The following TEX15 variants were observed in gnomAD, a reference collection of about 807,000 sequenced individuals.
TEX15 encodes testis-expressed protein 15.
Under a neutral mutation model 237.3 loss-of-function variants are expected in TEX15, and 171 were observed. The observed-to-expected ratio is 0.72, with a 90% CI of 0.64 to 0.82. The LOEUF (loss-of-function observed/expected upper bound fraction) is 0.82, where lower values mean the gene tolerates loss of function less well. Ranked by LOEUF, TEX15 falls within the 40% of genes least tolerant of loss-of-function variation. The pLI, the probability that TEX15 is intolerant of heterozygous loss-of-function variation, is 0.00. For missense variants in TEX15, 3,750 were observed against 3,646.5 expected (o/e 1.03, Z -0.73); for synonymous variants, 1,338 against 1,269.8 (o/e 1.05, Z -1.14).
In TEX15 at chr8:30,845,178, A is replaced by C. The variant is rs1807569846; in HGVS notation, c.4989T>G (p.Asn1663Lys). The change falls in exon 8 of 11, where the codon AAT becomes AAG. Residue 1663 changes from asparagine (N) to lysine (K), a missense_variant. By Grantham distance (94) the Asn-to-Lys change is moderately conservative. Coordinates refer to ENST00000643185, the MANE Select transcript of TEX15 (RefSeq NM_001350162.2). ...TAAGGTTACCTTGTTGGTAGAGATC[A>C]TTTAAAAAGTGCTTCACATTTGAAT... is the stretch of plus-strand genomic sequence containing the variant. The part of the protein sequence containing the change: ...VLDSNVKHFL[N>K]DLYQQGNLIL... 6.2e-7 allele frequency: 1 copy of C among 1,613,538 alleles called. No individual in the cohort carries two copies. The highest frequency in any genetic ancestry group is 2.2e-5 in the East Asian group (1 of 44,864).
At chr8:30,893,006 C>G (rs1372940134) in intron 2 of TEX15, among the ~76,000 whole-genome samples, 1 of 143,462 alleles carries the variant, frequency 7.0e-6, no homozygotes, top group East Asian at 2.0e-4. Flanking sequence ...GCACTCCAGC[C>G]TGGGCGACAG....
Position 30,848,251 on chromosome 8 carries a change from G to C in TEX15, c.1916C>G (p.Ser639Ter), listed in dbSNP as rs1209361673. ...DSSKHEEKQT[S>*]WKEIDNDFTN... Reference sequence around the variant, plus strand: ...GAAATCATTATCAATTTCTTTCCATGAAGTTTGCTTTTCTTCATGTTTGGA... The same window carrying C: ...GAAATCATTATCAATTTCTTTCCATCAAGTTTGCTTTTCTTCATGTTTGGA... The change falls in exon 8 of 11, where the codon TCA (serine) becomes TGA (stop). Residue 639 changes from serine to a stop codon, truncating the protein, a stop_gained. Coordinates refer to ENST00000643185, the MANE Select transcript of TEX15 (RefSeq NM_001350162.2). LOFTEE classifies it high-confidence loss of function. 1 of 1,611,908 alleles carries C rather than the reference G, an allele frequency of 6.2e-7. No individual in the cohort carries two copies. The highest frequency in any genetic ancestry group is 8.5e-7 in the Non-Finnish European group (1 of 1,179,670).
Position 30,845,404 on chromosome 8 carries a change from A to G in TEX15, c.4763T>C (p.Leu1588Pro). ...ATTATGATTTGCTGAATGTTTTTCAAGCTTTTCATATTTACTAGTGCTAGA... is the reference window on the plus strand; with the variant it reads ...ATTATGATTTGCTGAATGTTTTTCAGGCTTTTCATATTTACTAGTGCTAGA... ...FLSSTSKYEK[L>P]EKHSANHNVK... is the part of the protein sequence containing the mutation. Residue 1588 changes from leucine to proline, a missense_variant, in exon 8 of 11, where the codon CTT becomes CCT. Transcript: ENST00000643185. 6.2e-7 allele frequency: 1 copy of G among 1,611,748 alleles called. No individual in the cohort carries two copies. The highest frequency in any genetic ancestry group is 1.7e-5 in the Admixed American group (1 of 59,774).
At position 30,896,158 on chromosome 8, in the gene TEX15, A is replaced by C. The variant is rs569768877; in HGVS notation, c.-10+2584T>G. On this transcript the variant is annotated intron_variant, in intron 2 of 10. Coordinates refer to ENST00000643185, the MANE Select transcript of TEX15 (RefSeq NM_001350162.2). ...ATGACGACCCGTAAAGTTTTTTTAA[A>C]CTTCCCCTCAATCTTATACATATGA... Among the ~76,000 whole-genome samples the C allele has an allele frequency of 3.9e-5, 6 of 152,198 alleles. No individual in the cohort carries two copies. The East Asian group carries it at 7.7e-4, about 20-fold the overall frequency.
intron 1 of TEX15, among the ~76,000 whole-genome samples, chr8:30,911,897 GTC>G (rs764104812): frequency 2.3e-4 from 35 of 152,138 alleles, no homozygotes; most frequent in Non-Finnish European, 3.8e-4. Flanking sequence ...TGAGGCAGGA[GTC>G]TCTTCCTGCA....
chr8:30,870,844 A>G (rs765786643), intron 4 of TEX15, among the ~76,000 whole-genome samples: 11 of 152,072 alleles, frequency 7.2e-5, no homozygotes, highest in African/African-American at 2.7e-4. Flanking sequence ...AGTTATGCAG[A>G]TAAGTCAGAC....
intron 3 of TEX15, among the ~76,000 whole-genome samples, chr8:30,880,660 T>A (rs1285474472): frequency 6.6e-6 from 1 of 152,224 alleles, no homozygotes; most frequent in African/African-American, 2.4e-5. Context: ...TAGCATATAA[T>A]ACGTACATAA....
At chr8:30,905,548 G>C (rs10112973) in intron 1 of TEX15, among the ~76,000 whole-genome samples, 3,294 of 151,896 alleles carry the variant, frequency 0.022, 113 homozygotes, top group African/African-American at 0.075. Flanking sequence ...AAAATTATTT[G>C]ACTTATTCAC....
At chr8:30,853,140 T>C (rs1807824495) in intron 7 of TEX15, among the ~76,000 whole-genome samples, 2 of 152,198 alleles carry the variant, frequency 1.3e-5, no homozygotes, top group Admixed American at 1.3e-4. Flanking sequence ...CTATAATACA[T>C]TGCGGATGGG....
chr8:30,842,413 TCTAA>T lies in TEX15; in HGVS notation c.7750_7753del (p.Leu2584AsnfsTer11). On this transcript the variant is annotated frameshift_variant, in exon 8 of 11. Coordinates refer to ENST00000643185, the MANE Select transcript of TEX15 (RefSeq NM_001350162.2). LOFTEE classifies it high-confidence loss of function. ...TGTAGAAAATTGATTGTAGTTGTAT[TCTAA>T]CTCTGTCACAGTGCTTCCATAATTT... The T allele has an allele frequency of 6.2e-7, 1 of 1,613,732 alleles. No homozygotes were observed.
intron 5 of TEX15, among the ~76,000 whole-genome samples, chr8:30,861,125 T>C (rs921249814): frequency 6.6e-6 from 1 of 152,114 alleles, no homozygotes; most frequent in African/African-American, 2.4e-5. Flanking sequence ...AAATACAGTA[T>C]ATTAAAGATA....
chr8:30,855,492 T>C (rs1461582700), intron 7 of TEX15, among the ~76,000 whole-genome samples: 1 of 152,184 alleles, frequency 6.6e-6, no homozygotes, highest in Admixed American at 6.5e-5. Flanking sequence ...ACACTGCTGA[T>C]GTGAATTTAA....
intron 5 of TEX15, among the ~76,000 whole-genome samples, chr8:30,864,072 T>TA (rs1484042885): frequency 2.6e-5 from 4 of 151,594 alleles, no homozygotes; most frequent in Admixed American, 6.6e-5. Context: ...GTGGAGATAG[T>TA]AAAAAAACAA....
rs1340629175 is a variant in TEX15 at position 30,836,923 on chromosome 8, G to T, written c.9361C>A (p.Pro3121Thr). The T allele has an allele frequency of 6.2e-7, 1 of 1,614,030 alleles. No individual in the cohort carries two copies. The highest frequency in any genetic ancestry group is 8.5e-7 in the Non-Finnish European group (1 of 1,180,046). ...ATTGGCTGCCGAAAATTAGAAGCAG[G>T]TATTTGAGATTGAAAATACCCATTC... ...PVNGYFQSQI[P>T]ASNFRQPIFS... Residue 3121 changes from proline to threonine, a missense_variant, in exon 10 of 11, where the codon CCT (proline) becomes ACT (threonine). By Grantham distance (38) the Pro-to-Thr change is conservative. Coordinates refer to ENST00000643185, the MANE Select transcript of TEX15 (RefSeq NM_001350162.2).
rs1807692937 is a variant in TEX15, at chr8:30,848,725, T to C, written c.1442A>G (p.Glu481Gly). ...STPSNSASSS[E>G]VVPGDCAVLT... ...AACAGCACAATCACCAGGGACAACT[T>C]CTGAGGAGGAGGCAGAATTAGATGG... The change falls in exon 8 of 11, where the codon GAA (glutamate) becomes GGA (glycine). Residue 481 changes from glutamate to glycine, a missense_variant. Transcript: ENST00000643185. 3 of 1,614,046 alleles carry C rather than the reference T, an allele frequency of 1.9e-6. No individual in the cohort carries two copies.
chr8:30,895,978 G>A (rs113074419), intron 2 of TEX15, among the ~76,000 whole-genome samples: 5,183 of 152,066 alleles, frequency 0.034, 121 homozygotes, highest in Middle Eastern at 0.068. Context: ...TACCATGCCT[G>A]GCCAAACACA....
intron 4 of TEX15, among the ~76,000 whole-genome samples, chr8:30,873,138 A>G (rs1451494996): frequency 2.0e-5 from 3 of 152,170 alleles, no homozygotes; most frequent in African/African-American, 7.2e-5. Context: ...TTTGCTGTAT[A>G]AACTTGAGTA....
rs74730029 is a variant in TEX15, at chr8:30,883,724, A to G, written c.136+3443T>C. The stretch of plus-strand genomic sequence containing the variant: ...GCATATTCCATGATGTATATATACC[A>G]CATTTTCTTAATCCAGTCTATATCA... On this transcript the variant is annotated intron_variant, in intron 3 of 10. Coordinates refer to ENST00000643185, the MANE Select transcript of TEX15 (RefSeq NM_001350162.2). Among the ~76,000 whole-genome samples, 533 of 152,258 alleles carry G rather than the reference A, an allele frequency of 3.5e-3. 2 individuals carry two copies. The highest frequency in any genetic ancestry group is 0.014 in the Middle Eastern group (4 of 294).
intron 5 of TEX15, among the ~76,000 whole-genome samples, chr8:30,865,366 A>G (rs181234180): frequency 1.0e-3 from 155 of 152,232 alleles, no homozygotes; most frequent in African/African-American, 3.4e-3. Flanking sequence ...TGGCTTCACC[A>G]CTAAATTCTA....
Sources: gnomAD v4.1 joint callset for allele counts (sites outside exome capture counted in the v4.1 genomes callset) on GRCh38, gnomAD v4.1.1 for gene constraint, MANE v1.5 for transcripts, NCBI Gene and HGNC (gene_info 2026-07-23, HGNC 2026-07-21) for gene names.